The following GRM1 variants were observed in gnomAD, a reference collection of about 807,000 sequenced individuals.
The protein encoded by GRM1 is glutamate metabotropic receptor 1, also known as metabotropic glutamate receptor 1.
Under a neutral mutation model 90.9 loss-of-function variants are expected in GRM1, and 33 were observed. The observed-to-expected ratio is 0.36, with a 90% CI of 0.28 to 0.49. The LOEUF (loss-of-function observed/expected upper bound fraction) is 0.49, where lower values mean the gene tolerates loss of function less well. Ranked by LOEUF, GRM1 falls within the 20% of genes least tolerant of loss-of-function variation. The pLI is 0.99. For missense variants in GRM1, 1,190 were observed against 1,534.3 expected, an observed-to-expected ratio of 0.78 and a Z score of 3.75; for synonymous variants, 700 against 613.2, an observed-to-expected ratio of 1.14 and a Z score of -2.09.
At chr6:146,213,831 A>G (rs1431915363) in intron 2 of GRM1, among the ~76,000 whole-genome samples, 3 of 152,080 alleles carry the variant, frequency 2.0e-5, no homozygotes, top group Admixed American at 1.3e-4. Context: ...AGACCCTGGG[A>G]TGCTGGTAGC....
intron 2 of GRM1, among the ~76,000 whole-genome samples, chr6:146,227,375 A>C (rs1257314405): frequency 1.3e-5 from 2 of 152,166 alleles, no homozygotes; most frequent in African/African-American, 4.8e-5. Flanking sequence ...CATGGTATAC[A>C]TAATTTACAC....
chr6:146,255,355 C>A (rs908820703), intron 2 of GRM1, among the ~76,000 whole-genome samples: 1 of 152,090 alleles, frequency 6.6e-6, no homozygotes, highest in Non-Finnish European at 1.5e-5. Context: ...ATACATTTGA[C>A]CAAAGATCTT....
At chr6:146,234,194 TA>T (rs1328911084) in intron 2 of GRM1, among the ~76,000 whole-genome samples, 3 of 152,044 alleles carry the variant, frequency 2.0e-5, no homozygotes, top group South Asian at 2.1e-4. Flanking sequence ...TTTAACTTTT[TA>T]TTTTTTTTAC....
rs80153418 is a variant in GRM1, at chr6:146,424,726, A to G, written c.2661-9146A>G. On this transcript the variant is annotated intron_variant, in intron 7 of 7. Transcript: ENST00000282753. The stretch of plus-strand genomic sequence containing the variant: ...GTTCCCAGTGCCAATTGAACAGGCC[A>G]CATACAGACATTCCTCAAAAGTAGA... Among the ~76,000 whole-genome samples the G allele has an allele frequency of 4.1e-3, 623 of 152,336 alleles. 14 individuals carry two copies. The East Asian group carries it at 0.071, about 17-fold the overall frequency.
intron 1 of GRM1, among the ~76,000 whole-genome samples, chr6:146,048,662 C>T (rs942523839): frequency 2.0e-5 from 3 of 151,536 alleles, no homozygotes; most frequent in Non-Finnish European, 4.4e-5. Context: ...TAGGGTGGGC[C>T]CCAATCCAAC....
At chr6:146,320,524 A>G (rs7774842) in intron 3 of GRM1, among the ~76,000 whole-genome samples, 15,595 of 151,678 alleles carry the variant, frequency 0.1, 2,158 homozygotes, top group African/African-American at 0.31. Flanking sequence ...TGTTTGGAAT[A>G]TTTTCAGAAG....
At chr6:146,156,456 C>A (rs1777532229) in intron 1 of GRM1, among the ~76,000 whole-genome samples, 1 of 152,278 alleles carries the variant, frequency 6.6e-6, no homozygotes, top group African/African-American at 2.4e-5. Context: ...TGCCAGCTTC[C>A]TGGGAGGCAG....
chr6:146,402,266 G>A (rs1777183338), intron 7 of GRM1, among the ~76,000 whole-genome samples: 1 of 152,142 alleles, frequency 6.6e-6, no homozygotes, highest in African/African-American at 2.4e-5. Context: ...CAAATGAGCT[G>A]ACCCAGAGAG....
intron 3 of GRM1, among the ~76,000 whole-genome samples, chr6:146,347,882 G>A (rs1022488762): frequency 3.3e-5 from 5 of 152,208 alleles, no homozygotes; most frequent in African/African-American, 7.2e-5. Context: ...GAGAGCCTGC[G>A]TGCTGCTGCA....
intron 1 of GRM1, among the ~76,000 whole-genome samples, chr6:146,031,802 A>G (rs1258071551): frequency 6.6e-6 from 1 of 152,198 alleles, no homozygotes; most frequent in Non-Finnish European, 1.5e-5. Flanking sequence ...GAGCAAGTTA[A>G]AATGTGTTAA....
chr6:146,429,529 C>T (rs1778330245), intron 7 of GRM1, among the ~76,000 whole-genome samples: 1 of 152,144 alleles, frequency 6.6e-6, no homozygotes, highest in African/African-American at 2.4e-5. Flanking sequence ...TTCTACAAGA[C>T]CTACTTCTCA....
chr6:146,338,255 G>A lies in GRM1; in HGVS notation c.1187-13995G>A, dbSNP rs149821902. On this transcript the variant is annotated intron_variant, in intron 3 of 7. Coordinates refer to ENST00000282753, the MANE Select transcript of GRM1 (RefSeq NM_001278064.2). Reference sequence around the variant, plus strand: ...GGCTATGGCAGGTATGCTATGAATCGGCTTTTTCAATGGTGATATAATCCA... The same window carrying A: ...GGCTATGGCAGGTATGCTATGAATCAGCTTTTTCAATGGTGATATAATCCA... Among the ~76,000 whole-genome samples, 739 of 152,240 alleles carry A rather than the reference G, an allele frequency of 4.9e-3. 7 individuals carry two copies. The highest frequency in any genetic ancestry group is 0.017 in the African/African-American group (690 of 41,530).
chr6:146,110,145 A>G (rs2128873488), intron 1 of GRM1, among the ~76,000 whole-genome samples: 1 of 152,214 alleles, frequency 6.6e-6, no homozygotes, highest in Non-Finnish European at 1.5e-5. Flanking sequence ...TTGAAATGTG[A>G]GGACATGAGA....
At chr6:146,203,852 A>G (rs753211568) in intron 2 of GRM1, among the ~76,000 whole-genome samples, 10 of 152,236 alleles carry the variant, frequency 6.6e-5, no homozygotes, top group African/African-American at 1.2e-4. Context: ...AATTCCCACA[A>G]TGTTGGATGT....
At chr6:146,286,694 AC>A (rs1249535607) in intron 2 of GRM1, among the ~76,000 whole-genome samples, 1 of 152,208 alleles carries the variant, frequency 6.6e-6, no homozygotes, top group East Asian at 1.9e-4. Context: ...GTAGTTGTTA[AC>A]AAGTTTTTGC....
intron 2 of GRM1, among the ~76,000 whole-genome samples, chr6:146,246,583 C>T (rs1477612189): frequency 6.6e-6 from 1 of 152,202 alleles, no homozygotes; most frequent in African/African-American, 2.4e-5. Flanking sequence ...GAGACTCTCA[C>T]TGAGAGTGGG....
intron 5 of GRM1, among the ~76,000 whole-genome samples, chr6:146,365,704 T>C (rs1775657996): frequency 6.6e-6 from 1 of 152,198 alleles, no homozygotes; most frequent in African/African-American, 2.4e-5. Context: ...TTTCACCAGA[T>C]AGCTACGCCC....
chr6:146,169,984 T>C (rs1778045971), intron 2 of GRM1, among the ~76,000 whole-genome samples: 1 of 152,182 alleles, frequency 6.6e-6, no homozygotes, highest in South Asian at 2.1e-4. Flanking sequence ...TAATGTTTGT[T>C]TATCTGAGAA....
At chr6:146,177,257 T>G (rs570818756) in intron 2 of GRM1, among the ~76,000 whole-genome samples, 1 of 152,196 alleles carries the variant, frequency 6.6e-6, no homozygotes, top group African/African-American at 2.4e-5. Flanking sequence ...AGAACTGACA[T>G]GTATTCCCAG....
Sources: gnomAD v4.1 joint callset for allele counts (sites outside exome capture counted in the v4.1 genomes callset) on GRCh38, gnomAD v4.1.1 for gene constraint, MANE v1.5 for transcripts, NCBI Gene and HGNC (gene_info 2026-07-23, HGNC 2026-07-21) for gene names.